The following STXBP5L variants were observed in gnomAD, a reference collection of about 807,000 sequenced individuals.
STXBP5L encodes the protein syntaxin-binding protein 5-like.
Under a neutral mutation model 144.5 loss-of-function variants are expected in STXBP5L, and 65 were observed. That is an observed-to-expected ratio of 0.45 (90% CI 0.37 to 0.55). The LOEUF is 0.55. Among genes scored for constraint, STXBP5L ranks in the 20% least tolerant of loss-of-function variants. The pLI, the probability that STXBP5L is intolerant of heterozygous loss-of-function variation, is 0.00. For missense variants in STXBP5L, 1,298 were observed against 1,405.5 expected (o/e 0.92, Z 1.22); for synonymous variants, 505 against 469.6 (o/e 1.08, Z -0.97).
chr3:121,085,531 A>C (rs1352991062), intron 5 of STXBP5L, among the ~76,000 whole-genome samples: 1 of 152,172 alleles, frequency 6.6e-6, no homozygotes, highest in Non-Finnish European at 1.5e-5. Flanking sequence ...ATACACCAAC[A>C]ATAGACAAAC....
intron 9 of STXBP5L, among the ~76,000 whole-genome samples, chr3:121,181,872 G>A (rs2047168829): frequency 6.6e-6 from 1 of 151,560 alleles, no homozygotes; most frequent in Non-Finnish European, 1.5e-5. Context: ...CATATTCCAT[G>A]CAAATGTAAA....
chr3:121,278,097 C>T (rs554904157), intron 18 of STXBP5L, among the ~76,000 whole-genome samples: 1 of 152,034 alleles, frequency 6.6e-6, no homozygotes, highest in East Asian at 1.9e-4. Flanking sequence ...CTCATCTCTG[C>T]CTCCTCAACT....
chr3:121,026,501 G>C lies in STXBP5L; in HGVS notation c.288-15199G>C, dbSNP rs77639190. Among the ~76,000 whole-genome samples the C allele has an allele frequency of 7.8e-4, 119 of 152,066 alleles. 1 individual carries two copies. The East Asian group carries it at 0.022, about 29-fold the overall frequency. On this transcript the variant is annotated intron_variant, in intron 3 of 26. Coordinates refer to ENST00000471454, the MANE Select transcript of STXBP5L (RefSeq NM_001308330.2). ...TAAAATATAGCAATATGAGAGCAAG[G>C]GCTTTTATGTCTTGTTCACTGATAT...
chr3:121,154,049 G>C (rs183750190), intron 8 of STXBP5L, among the ~76,000 whole-genome samples: 2 of 151,888 alleles, frequency 1.3e-5, no homozygotes, highest in East Asian at 1.9e-4. Flanking sequence ...GAATCATCTA[G>C]CTTTCCTATG....
Position 121,419,411 on chromosome 3 carries a change from C to A in STXBP5L, c.*314C>A. The A allele has an allele frequency of 4.5e-6, 1 of 224,616 alleles. No homozygotes were observed. The highest frequency in any genetic ancestry group is 8.6e-6 in the Non-Finnish European group (1 of 116,676). 13.9% of individuals were successfully genotyped at this position (224,616 alleles called of 1,614,324 possible). On this transcript the variant is annotated 3_prime_UTR_variant, in exon 27 of 27. Transcript: ENST00000471454. ...TCCTCTTGATTTGAAAATTCCTGTACAAACAAAAGCATTAATGCACTTAAT... is the reference window on the plus strand; with the variant it reads ...TCCTCTTGATTTGAAAATTCCTGTAAAAACAAAAGCATTAATGCACTTAAT...
chr3:121,182,860 C>G (rs2047216721), intron 9 of STXBP5L, among the ~76,000 whole-genome samples: 1 of 152,104 alleles, frequency 6.6e-6, no homozygotes, highest in South Asian at 2.1e-4. Context: ...TTCAAGGCTA[C>G]TATTAATGAC....
At chr3:121,136,910 G>A (rs1198599562) in intron 7 of STXBP5L, among the ~76,000 whole-genome samples, 2 of 152,168 alleles carry the variant, frequency 1.3e-5, no homozygotes, top group Non-Finnish European at 2.9e-5. Context: ...TTTTAAAAAT[G>A]AGGTCATGGC....
chr3:121,282,211 T>C, intron 19 of STXBP5L: 2 of 1,570,394 alleles, frequency 1.3e-6, no homozygotes, highest in East Asian at 2.2e-5. Context: ...CTTTAGACTT[T>C]TTTTTCTCTT....
At chr3:121,162,631 G>A (rs937463723) in intron 9 of STXBP5L, among the ~76,000 whole-genome samples, 3 of 152,088 alleles carry the variant, frequency 2.0e-5, no homozygotes, top group African/African-American at 7.2e-5. Context: ...GAGTGAATAG[G>A]CAACCCACAG....
At chr3:121,154,269 T>C (rs377120846) in intron 8 of STXBP5L, among the ~76,000 whole-genome samples, 38 of 152,008 alleles carry the variant, frequency 2.5e-4, no homozygotes, top group African/African-American at 8.9e-4. Context: ...CAGAGATAGT[T>C]AAATACTTCA....
intron 5 of STXBP5L, among the ~76,000 whole-genome samples, chr3:121,114,125 C>T (rs1283766764): frequency 6.6e-6 from 1 of 151,964 alleles, no homozygotes; most frequent in Non-Finnish European, 1.5e-5. Flanking sequence ...CATGATTAGG[C>T]CAAACTAGAA....
intron 19 of STXBP5L, among the ~76,000 whole-genome samples, chr3:121,316,116 T>C (rs535403899): frequency 9.8e-5 from 15 of 152,318 alleles, no homozygotes; most frequent in African/African-American, 2.9e-4. Flanking sequence ...ACTTTACTTC[T>C]ATAGTCCAAA....
intron 5 of STXBP5L, among the ~76,000 whole-genome samples, chr3:121,054,823 A>C (rs542075955): frequency 6.6e-6 from 1 of 151,796 alleles, no homozygotes; most frequent in African/African-American, 2.4e-5. Flanking sequence ...CACCATATTG[A>C]TTTTATCTTT....
At chr3:121,394,814 C>A (rs1234199027) in intron 22 of STXBP5L, among the ~76,000 whole-genome samples, 1 of 151,960 alleles carries the variant, frequency 6.6e-6, no homozygotes, top group Non-Finnish European at 1.5e-5. Flanking sequence ...ACATGTTAGC[C>A]AGGATGGTCT....
chr3:121,058,333 C>T lies in STXBP5L; in HGVS notation c.470+12798C>T, dbSNP rs117390034. On this transcript the variant is annotated intron_variant, in intron 5 of 26. Transcript: ENST00000471454. ...TCCTTTTCTATGGCTGCATAGGAGT[C>T]CATGGTGTACATGTGCCACATTTAC... is the stretch of plus-strand genomic sequence containing the variant. Among the ~76,000 whole-genome samples the T allele has an allele frequency of 5.6e-4, 86 of 152,328 alleles. No individual in the cohort carries two copies. In the East Asian group the frequency reaches 0.015, roughly 26 times the overall value.
At chr3:121,038,740 T>C (rs1946935826) in intron 3 of STXBP5L, among the ~76,000 whole-genome samples, 1 of 151,962 alleles carries the variant, frequency 6.6e-6, no homozygotes, top group Non-Finnish European at 1.5e-5. Flanking sequence ...TTTGTGGTTC[T>C]ATCAATTTTG....
chr3:121,045,407 CACTT>C, intron 4 of STXBP5L, 24 bp from the exon 5 acceptor site: 2 of 1,571,794 alleles, frequency 1.3e-6, no homozygotes, highest in Non-Finnish European at 1.7e-6. Flanking sequence ...GTAAATCACA[CACTT>C]ACTTTATCTT....
chr3:121,367,829 T>G (rs1472655610), intron 20 of STXBP5L, among the ~76,000 whole-genome samples: 1 of 139,904 alleles, frequency 7.1e-6, no homozygotes, highest in Non-Finnish European at 1.5e-5. Flanking sequence ...CTTCCTATGT[T>G]GCCCAGGATG....
intron 10 of STXBP5L, among the ~76,000 whole-genome samples, chr3:121,212,946 A>T (rs754387090): frequency 6.6e-6 from 1 of 152,084 alleles, no homozygotes; most frequent in African/African-American, 2.4e-5. Context: ...TGTAAATTGT[A>T]TTCCTAGGTA....
Sources: allele counts gnomAD v4.1 joint callset (sites outside exome capture counted in the v4.1 genomes callset), GRCh38; gene constraint gnomAD v4.1.1; transcripts MANE v1.5; gene names NCBI Gene and HGNC (gene_info 2026-07-23, HGNC 2026-07-21).